NEBL: variants seen among roughly 807,000 people sequenced by gnomAD.
NEBL encodes the protein LIM and SH3 protein 2.
NEBL carries 122 observed loss-of-function variants against 140.2 expected under a neutral mutation model. That is an observed-to-expected ratio of 0.87 (90% CI 0.75 to 1.01). NEBL has a LOEUF of 1.01. Ranked by LOEUF, NEBL falls within the 50% of genes least tolerant of loss-of-function variation. The probability of loss-of-function intolerance (pLI) is 0.00; values close to 1 mark genes in which losing one functional copy is unlikely to be tolerated. For missense variants in NEBL, 1,365 were observed against 1,231.3 expected, an observed-to-expected ratio of 1.11 and a Z score of -1.62; for synonymous variants, 436 against 398.9, an observed-to-expected ratio of 1.09 and a Z score of -1.11.
intron 4 of NEBL, among the ~76,000 whole-genome samples, chr10:20,940,440 G>C (rs1160448969): frequency 6.9e-6 from 1 of 145,608 alleles, no homozygotes; most frequent in African/African-American, 2.6e-5. Flanking sequence ...AAAGCAGTGT[G>C]TAGAGGGAAA....
At chr10:20,932,977 T>C (rs1834270200) in intron 4 of NEBL, among the ~76,000 whole-genome samples, 2 of 152,230 alleles carry the variant, frequency 1.3e-5, no homozygotes, top group Admixed American at 1.3e-4. Flanking sequence ...AGAAAACCCA[T>C]TTATGAAATA....
At chr10:20,935,482 C>A (rs10082441) in intron 4 of NEBL, among the ~76,000 whole-genome samples, 1 of 152,116 alleles carries the variant, frequency 6.6e-6, no homozygotes, top group Non-Finnish European at 1.5e-5. Flanking sequence ...ATGCTCCCCT[C>A]GGTAGTGAGC....
At chr10:21,096,759 C>G (rs1172926794) in intron 2 of NEBL, among the ~76,000 whole-genome samples, 2 of 152,198 alleles carry the variant, frequency 1.3e-5, no homozygotes, top group Admixed American at 1.3e-4. Flanking sequence ...AAGCAATCCT[C>G]CTCCCTCAGC....
At position 20,984,842 on chromosome 10, in the gene NEBL, C is replaced by G. The variant is rs567558585; in HGVS notation, c.250-23063G>C. Among the ~76,000 whole-genome samples the G allele has an allele frequency of 1.2e-3, 179 of 152,252 alleles. 1 individual carries two copies. Among genetic ancestry groups the G allele is most frequent in the Non-Finnish European group, 1.9e-3 (131 of 68,022 alleles). On this transcript the variant is annotated intron_variant, in intron 3 of 6. Coordinates refer to the NEBL transcript ENST00000417816. ...GCTTCATCTGTATTTACAGCCACTC[C>G]CCACAGCTCCCATTATCGCCTGAGC...
In NEBL at chr10:21,198,050, G is replaced by A. The variant is rs190256322; in HGVS notation, n.349-25573C>T. 1.5e-4 allele frequency among the ~76,000 whole-genome samples: 23 copies of A among 152,014 alleles called. 1 individual carries two copies. Among genetic ancestry groups the A allele is most frequent in the Admixed American group, 9.2e-4 (14 of 15,276 alleles). On this transcript the variant is annotated intron_variant and non_coding_transcript_variant, in intron 3 of 8. Coordinates refer to the NEBL transcript ENST00000675702. The stretch of plus-strand genomic sequence containing the variant: ...TCTCTGCTGCAAACCCTGCTGTCTC[G>A]GTGTGTTGGTAAATTACACAGCAAG...
At chr10:20,984,125 G>GA (rs60270033) in intron 3 of NEBL, among the ~76,000 whole-genome samples, 141,467 of 145,460 alleles carry the variant, frequency 0.97, 68,793 homozygotes, top group East Asian at 1. Context: ...AAATGTACCT[G>GA]AAAAAAAAAA....
chr10:21,046,758 G>T (rs933039882), intron 2 of NEBL, among the ~76,000 whole-genome samples: 1 of 151,928 alleles, frequency 6.6e-6, no homozygotes, highest in African/African-American at 2.4e-5. Context: ...CTGCCACCAC[G>T]CCCGACTAAT....
intron 3 of NEBL, among the ~76,000 whole-genome samples, chr10:21,192,187 A>AC (rs915633427): frequency 6.7e-6 from 1 of 150,358 alleles, no homozygotes; most frequent in African/African-American, 2.5e-5. Context: ...AATTTGATAG[A>AC]CTTTTTTTTT....
At chr10:20,922,367 T>A (rs1833634081) in intron 4 of NEBL, among the ~76,000 whole-genome samples, 1 of 152,200 alleles carries the variant, frequency 6.6e-6, no homozygotes, top group Non-Finnish European at 1.5e-5. Context: ...GAGAACGATA[T>A]GTTTTATTCT....
intron 2 of NEBL, chr10:21,020,334 G>A (rs984666149): frequency 2.6e-6 from 2 of 754,940 alleles, no homozygotes; most frequent in Non-Finnish European, 4.6e-6. Context: ...GCTTGGCTAA[G>A]GTCATCTCTC....
Position 21,099,161 on chromosome 10 carries a change from T to C in NEBL, c.164+73222A>G, listed in dbSNP as rs753225895. Among the ~76,000 whole-genome samples the C allele has an allele frequency of 2.2e-4, 33 of 152,158 alleles. 1 individual carries two copies. The highest frequency in any genetic ancestry group is 3.4e-3 in the Middle Eastern group (1 of 294). The stretch of plus-strand genomic sequence containing the variant: ...AAATAAAAATAAAATCAAAACAGAG[T>C]GAAGCATATATACCTTTTTCATAGA... On this transcript the variant is annotated intron_variant, in intron 2 of 6. Transcript: ENST00000417816.
intron 4 of NEBL, among the ~76,000 whole-genome samples, chr10:20,923,755 A>C (rs1833727294): frequency 6.7e-6 from 1 of 148,722 alleles, no homozygotes; most frequent in Non-Finnish European, 1.5e-5. Context: ...TTTAATGTTG[A>C]AGCTGTCAAG....
intron 1 of NEBL, among the ~76,000 whole-genome samples, chr10:21,271,715 G>A (rs7083609): frequency 0.28 from 42,613 of 150,768 alleles, 8,437 homozygotes; most frequent in African/African-American, 0.56. Flanking sequence ...TAGTAGAGAC[G>A]GGGTTTCACC....
At chr10:20,915,851 G>C (rs1300638324) in intron 4 of NEBL, among the ~76,000 whole-genome samples, 5 of 152,126 alleles carry the variant, frequency 3.3e-5, no homozygotes, top group Non-Finnish European at 5.9e-5. Flanking sequence ...CCAAGGGCAG[G>C]CTCTGAAATT....
intron 2 of NEBL, among the ~76,000 whole-genome samples, chr10:21,163,391 A>C (rs912277408): frequency 2.6e-5 from 4 of 152,202 alleles, no homozygotes; most frequent in African/African-American, 4.8e-5. Context: ...GCCATCAAAA[A>C]TACATCTACT....
Position 20,938,865 on chromosome 10 carries a change from A to C in NEBL, c.357+22807T>G, listed in dbSNP as rs4448585. On this transcript the variant is annotated intron_variant, in intron 4 of 6. Coordinates refer to the NEBL transcript ENST00000417816. Reference sequence around the variant, plus strand: ...GATGCAACATCAAATGAATGAAATGAAGCAAGAAGAGAAGTTTAGAGAAAA... The same window carrying C: ...GATGCAACATCAAATGAATGAAATGCAGCAAGAAGAGAAGTTTAGAGAAAA... 8.8e-3 allele frequency among the ~76,000 whole-genome samples: 1,334 copies of C among 152,334 alleles called. 17 individuals are homozygous for C. Among genetic ancestry groups the C allele is most frequent in the African/African-American group, 0.03 (1,258 of 41,572 alleles).
At chr10:20,971,173 AG>A (rs1176233491) in intron 3 of NEBL, among the ~76,000 whole-genome samples, 3 of 152,246 alleles carry the variant, frequency 2.0e-5, no homozygotes, top group Admixed American at 2.0e-4. Context: ...TCAGATTAGC[AG>A]GGAAATACCA....
chr10:20,797,668 CAGGT>C lies in NEBL; in HGVS notation c.2762-10364_2762-10361del, dbSNP rs371800445. 4.0e-3 allele frequency among the ~76,000 whole-genome samples: 604 copies of C among 152,174 alleles called. 5 individuals are homozygous for C. The highest frequency in any genetic ancestry group is 0.014 in the African/African-American group (576 of 41,518). On this transcript the variant is annotated intron_variant, in intron 26 of 27. Transcript: ENST00000377122. ...ACAGGCAGGTATGAAGATTCCCTGC[CAGGT>C]AGGGAGGTCAACAGGTTGACTGCAC...
At chr10:21,006,198 G>A (rs969775151) in intron 3 of NEBL, among the ~76,000 whole-genome samples, 4 of 152,056 alleles carry the variant, frequency 2.6e-5, no homozygotes, top group African/African-American at 4.8e-5. Context: ...ATGACCTTTC[G>A]CTCTGTTTCC....
Sources: allele counts gnomAD v4.1 joint callset (sites outside exome capture counted in the v4.1 genomes callset), GRCh38; gene constraint gnomAD v4.1.1; transcripts MANE v1.5; gene names NCBI Gene and HGNC (gene_info 2026-07-23, HGNC 2026-07-21).